ANKRD42: variants seen among roughly 807,000 people sequenced by gnomAD.
ANKRD42 encodes ankyrin repeat domain 42.
Under a neutral mutation model 51.5 loss-of-function variants are expected in ANKRD42, and 43 were observed. The observed-to-expected ratio is 0.83, with a 90% confidence interval of 0.65 to 1.08. ANKRD42 has a LOEUF of 1.08. Ranked by LOEUF, ANKRD42 falls within the 50% of genes least tolerant of loss-of-function variation. The pLI is 0.00. For missense variants in ANKRD42, 608 were observed against 629.3 expected, an observed-to-expected ratio of 0.97 and a Z score of 0.36; for synonymous variants, 203 against 213.0, an observed-to-expected ratio of 0.95 and a Z score of 0.41.
intron 1 of ANKRD42, among the ~76,000 whole-genome samples, chr11:83,198,057 T>C (rs1861727138): frequency 6.6e-6 from 1 of 152,202 alleles, no homozygotes; most frequent in Non-Finnish European, 1.5e-5. Context: ...GGTAAGAGTG[T>C]GGCCCTTAGA....
chr11:83,196,211 T>G (rs1861647150), intron 1 of ANKRD42, among the ~76,000 whole-genome samples: 1 of 152,216 alleles, frequency 6.6e-6, no homozygotes, highest in Non-Finnish European at 1.5e-5. Context: ...AATTTAGCCT[T>G]GTAAACTCAG....
chr11:83,259,467 G>A (rs184126069), downstream of ANKRD42: 65 of 152,234 alleles, frequency 4.3e-4, no homozygotes, highest in African/African-American at 1.4e-3. Flanking sequence ...GAGAAAGAAC[G>A]CAGATCTATT....
At chr11:83,256,132 T>G (rs1863769471), downstream of ANKRD42, 2 of 388,408 alleles carry the variant, frequency 5.1e-6, no homozygotes, top group Non-Finnish European at 9.2e-6. Context: ...CTCCCGATAT[T>G]CTTCTTATAT....
intron 7 of ANKRD42, among the ~76,000 whole-genome samples, chr11:83,231,210 C>T (rs1175741520): frequency 6.6e-6 from 1 of 152,176 alleles, no homozygotes; most frequent in East Asian, 1.9e-4. Flanking sequence ...TCCACATCCT[C>T]ACCAGCATTC....
chr11:83,198,637 T>C lies in ANKRD42; in HGVS notation c.217T>C (p.Leu73=), dbSNP rs758561952. 8.2e-6 allele frequency: 13 copies of C among 1,587,104 alleles called. No homozygotes were observed. Among genetic ancestry groups the C allele is most frequent in the Admixed American group, 1.8e-5 (1 of 56,022 alleles). Residue 73 remains leucine, a synonymous_variant, in exon 2 of 11, where the codon TTG becomes CTG. Coordinates refer to ENST00000533342, the MANE Select transcript of ANKRD42 (RefSeq NM_001300975.2). ...PLHWAAHSGS[L]ECLHWLLWHG... is the part of the protein sequence containing the mutation. ...ACATTGGGCAGCACATTCTGGAAGT[T>C]TGGAGGTAAGAAACTATACATATCA...
chr11:83,235,761 G>A (rs1863205256), intron 7 of ANKRD42, among the ~76,000 whole-genome samples: 1 of 152,202 alleles, frequency 6.6e-6, no homozygotes, highest in African/African-American at 2.4e-5. Flanking sequence ...TTGAGTGATT[G>A]GCTTTAGGTG....
At chr11:83,262,259 T>G (rs1863972412), downstream of ANKRD42, among the ~76,000 whole-genome samples, 1 of 152,158 alleles carries the variant, frequency 6.6e-6, no homozygotes, top group Non-Finnish European at 1.5e-5. Flanking sequence ...CTTTAAATAA[T>G]TATAAGCTCT....
chr11:83,248,365 C>A lies in ANKRD42; in HGVS notation c.*161C>A. 1 of 1,339,902 alleles carries A rather than the reference C, an allele frequency of 7.5e-7. No individual in the cohort carries two copies. Among genetic ancestry groups the A allele is most frequent in the Non-Finnish European group, 9.5e-7 (1 of 1,053,228 alleles). 83.0% of individuals were successfully genotyped at this position (1,339,902 alleles called of 1,614,324 possible). On this transcript the variant is annotated 3_prime_UTR_variant, in exon 11 of 11. Coordinates refer to ENST00000533342, the MANE Select transcript of ANKRD42 (RefSeq NM_001300975.2). ...ATATGTAACTATAACTTTCTAGATA[C>A]ATACACACATCTGTCTATCTATCTT...
At chr11:83,233,293 G>A (rs1276019576) in intron 7 of ANKRD42, among the ~76,000 whole-genome samples, 1 of 151,048 alleles carries the variant, frequency 6.6e-6, no homozygotes, top group Non-Finnish European at 1.5e-5. Flanking sequence ...TCAAGCTTTG[G>A]GTTTCTTCCT....
chr11:83,213,402 T>C, intron 5 of ANKRD42: 1 of 1,566,188 alleles, frequency 6.4e-7, no homozygotes, highest in Non-Finnish European at 8.6e-7. Context: ...AGAAAATGAA[T>C]AGACAGCTCA....
chr11:83,225,933 A>G (rs1197303140), intron 6 of ANKRD42, among the ~76,000 whole-genome samples: 1 of 151,864 alleles, frequency 6.6e-6, no homozygotes, highest in Admixed American at 6.6e-5. Context: ...TTTTAGTTAT[A>G]TATATGAGTT....
chr11:83,200,255 T>C (rs1861816542), intron 2 of ANKRD42, among the ~76,000 whole-genome samples: 1 of 152,236 alleles, frequency 6.6e-6, no homozygotes, highest in Non-Finnish European at 1.5e-5. Context: ...CCTCCTATTG[T>C]GTAATTGTAG....
chr11:83,236,799 T>A (rs1034569095), intron 8 of ANKRD42, among the ~76,000 whole-genome samples: 5 of 151,984 alleles, frequency 3.3e-5, no homozygotes, highest in Non-Finnish European at 7.4e-5. Flanking sequence ...CAACTGGAGG[T>A]CCGGTCTGGG....
At chr11:83,237,768 G>A (rs955212729) in intron 8 of ANKRD42, among the ~76,000 whole-genome samples, 3 of 152,040 alleles carry the variant, frequency 2.0e-5, no homozygotes, top group Non-Finnish European at 4.4e-5. Flanking sequence ...ATATTTGTAC[G>A]GTACAACTGA....
rs192816897 is a variant in ANKRD42, at chr11:83,203,204, A to G, written c.223-2854A>G. 2.0e-3 allele frequency among the ~76,000 whole-genome samples: 298 copies of G among 152,012 alleles called. 7 individuals are homozygous for G. Among genetic ancestry groups the G allele is most frequent in the Admixed American group, 0.018 (273 of 15,270 alleles). ...GAGATGGGGTTTCACCACGTGGGCC[A>G]GGCTGGTCTCTAACTCCTGACCTCA... On this transcript the variant is annotated intron_variant, in intron 2 of 10. Coordinates refer to ENST00000533342, the MANE Select transcript of ANKRD42 (RefSeq NM_001300975.2).
At chr11:83,212,530 A>G in intron 5 of ANKRD42, 1 of 879,810 alleles carries the variant, frequency 1.1e-6, no homozygotes, top group South Asian at 1.4e-5. Flanking sequence ...CAAATTCTAA[A>G]GGATAGATCA....
At chr11:83,247,349 G>A (rs114679052) in intron 10 of ANKRD42, among the ~76,000 whole-genome samples, 3,416 of 152,084 alleles carry the variant, frequency 0.022, 112 homozygotes, top group African/African-American at 0.077. Flanking sequence ...GGTTACAGAC[G>A]TGAGCCACCG....
chr11:83,203,727 A>C (rs932172939), intron 2 of ANKRD42, among the ~76,000 whole-genome samples: 3 of 152,094 alleles, frequency 2.0e-5, no homozygotes, highest in Admixed American at 6.5e-5. Context: ...TAACACCTTT[A>C]CAGTTTTTTA....
At chr11:83,213,700 A>C in intron 5 of ANKRD42, 1 of 353,828 alleles carries the variant, frequency 2.8e-6, no homozygotes, top group South Asian at 5.5e-5. Flanking sequence ...TACTAGTTCA[A>C]ATCTTTTGCC....
Sources: gnomAD v4.1 joint callset for allele counts (sites outside exome capture counted in the v4.1 genomes callset) on GRCh38, gnomAD v4.1.1 for gene constraint, MANE v1.5 for transcripts, NCBI Gene and HGNC (gene_info 2026-07-23, HGNC 2026-07-21) for gene names.